WIZ: variants seen among roughly 807,000 people sequenced by gnomAD.
The protein encoded by WIZ is protein Wiz.
Under a neutral mutation model 140.2 loss-of-function variants are expected in WIZ, and 25 were observed. That is an observed-to-expected ratio of 0.18 (90% CI 0.13 to 0.25). WIZ has a LOEUF of 0.25. WIZ is among the 10% of genes least tolerant of loss of function. The pLI is 1.00. For missense variants in WIZ, 2,231 were observed against 2,632.6 expected (o/e 0.85, Z 3.34); for synonymous variants, 1,125 against 1,154.3 (o/e 0.97, Z 0.51).
intron 2 of WIZ, among the ~76,000 whole-genome samples, chr19:15,446,302 C>A (rs554180082): frequency 6.6e-6 from 1 of 152,160 alleles, no homozygotes; most frequent in Non-Finnish European, 1.5e-5. Context: ...GATGTCCAAT[C>A]CCTCGGAACC....
In WIZ at chr19:15,428,098, G is replaced by T. The variant is rs1351252078; in HGVS notation, c.3814+12C>A. On this transcript the variant is annotated intron_variant, in intron 8 of 12. Coordinates refer to ENST00000673675, the MANE Select transcript of WIZ (RefSeq NM_001371589.1). This position sits in a 1 kb window ranked among gnomAD's most constrained non-coding sequence, Gnocchi z 6.4. ...CCGCAGTGAGGAGGGGGCAGCTGAA[G>T]CGAGAACCTACAGAGGTTGAGAGGA... 6.5e-7 allele frequency: 1 copy of T among 1,533,528 alleles called. No homozygotes were observed. The highest frequency in any genetic ancestry group is 2.0e-5 in the Admixed American group (1 of 50,882). The allele number at this position is 1,533,528 out of a possible 1,614,324, so 95.0% of individuals were successfully genotyped here.
Position 15,422,785 on chromosome 19 carries a change from CCT to C in WIZ, c.*289_*290del, listed in dbSNP as rs751810616. ...GCTAGACGGGGGAGTGCTGTCCTCC[CCT>C]GTGACCAGACCGGCTGCCATCAGAG... On this transcript the variant is annotated 3_prime_UTR_variant, in exon 13 of 13. Coordinates refer to ENST00000673675, the MANE Select transcript of WIZ (RefSeq NM_001371589.1). 29 of 505,116 alleles carry C rather than the reference CCT, an allele frequency of 5.7e-5. No individual in the cohort carries two copies. The highest frequency in any genetic ancestry group is 8.8e-5 in the Non-Finnish European group (25 of 282,630). The allele number at this position is 505,116 out of a possible 1,614,324, so 31.3% of individuals were successfully genotyped here. A position where few individuals can be genotyped will look rare whatever the true frequency, so the allele number is the denominator to read the frequency against.
rs559731084 is a variant in WIZ at position 15,443,951 on chromosome 19, G to T, written c.206-1203C>A. ...GCCAACTCTCTATTATCCGCCTGTG[G>T]AGCCAATGCCTGGAGCGACCACAGG... On this transcript the variant is annotated intron_variant, in intron 2 of 12. Coordinates refer to ENST00000673675, the MANE Select transcript of WIZ (RefSeq NM_001371589.1). 1.5e-3 allele frequency among the ~76,000 whole-genome samples: 233 copies of T among 152,240 alleles called. 1 individual carries two copies. The highest frequency in any genetic ancestry group is 2.7e-3 in the South Asian group (13 of 4,818).
Position 15,427,285 on chromosome 19 carries a change from C to T in WIZ, c.4063G>A (p.Ala1355Thr), listed in dbSNP as rs1483612136. 22 of 1,613,498 alleles carry T rather than the reference C, an allele frequency of 1.4e-5. No homozygotes were observed. The highest frequency in any genetic ancestry group is 1.9e-5 in the Non-Finnish European group (22 of 1,179,938). Residue 1355 changes from alanine to threonine, a missense_variant, in exon 9 of 13, where the codon GCA (alanine) becomes ACA (threonine). Physicochemically the swap from Ala to Thr is moderately conservative, Grantham distance 58. Around this residue, in one of 15 missense-constraint regions of WIZ, gnomAD observed 393 missense variants for 451.7 expected, o/e 0.87. Transcript: ENST00000673675. This position sits in a 1 kb window ranked among gnomAD's most constrained non-coding sequence, Gnocchi z 6.4. ...PKALAKMMGG[A>T]GPGSSLEARS... ...GCTTCCAGTGAGCTGCCAGGACCTG[C>T]GCCGCCCATCATCTTGGCCAGGGCT...
chr19:15,425,812 AGGAGGGAGGAGGAGGGAGGAGGAG>A (rs1968737534), intron 9 of WIZ, 44 bp from the exon 10 acceptor site: 1 of 34,812 alleles, frequency 2.9e-5, no homozygotes, highest in Non-Finnish European at 4.8e-5. Context: ...GAGGAGGAGG[AGGAGGGAGGAGGAGGGAGGAGGAG>A]GGAGGAGGAG....
Position 15,427,601 on chromosome 19 carries a change from C to A in WIZ, c.3815-68G>T. ...CCAGCATGGTCACCTGCAGGAGTGTCCTGGTCGGCTGGGCGTGGGCGGCAG... is the reference window on the plus strand; with the variant it reads ...CCAGCATGGTCACCTGCAGGAGTGTACTGGTCGGCTGGGCGTGGGCGGCAG... On this transcript the variant is annotated intron_variant, in intron 8 of 12. Coordinates refer to ENST00000673675, the MANE Select transcript of WIZ (RefSeq NM_001371589.1). The surrounding 1 kb of genome is among the most constrained non-coding windows in gnomAD (Gnocchi z 6.4). 6.6e-7 allele frequency: 1 copy of A among 1,518,124 alleles called. No homozygotes were observed. Among genetic ancestry groups the A allele is most frequent in the Non-Finnish European group, 8.8e-7 (1 of 1,132,680 alleles). 94.0% of individuals were successfully genotyped at this position (1,518,124 alleles called of 1,614,324 possible). A position where few individuals can be genotyped will look rare whatever the true frequency, so the allele number is the denominator to read the frequency against.
intron 5 of WIZ, among the ~76,000 whole-genome samples, chr19:15,434,957 G>A (rs73926753): frequency 3.2e-4 from 48 of 152,296 alleles, no homozygotes; most frequent in Middle Eastern, 3.4e-3. Flanking sequence ...TGGCCGGTGC[G>A]GTGGCTCACA....
At chr19:15,448,442 C>T in intron 1 of WIZ, 75 bp from the exon 2 acceptor site, 1 of 1,153,054 alleles carries the variant, frequency 8.7e-7, no homozygotes, top group Non-Finnish European at 1.2e-6. Flanking sequence ...CCCTCAAAAC[C>T]TCAGTCCTCA....
chr19:15,426,251 G>A (rs1055317050), intron 9 of WIZ, among the ~76,000 whole-genome samples: 2 of 152,114 alleles, frequency 1.3e-5, no homozygotes, highest in African/African-American at 4.8e-5. Context: ...GGGGCACAGA[G>A]CTGGTACACA....
intron 7 of WIZ, among the ~76,000 whole-genome samples, chr19:15,429,133 C>A (rs1233933403): frequency 3.9e-5 from 6 of 152,274 alleles, no homozygotes; most frequent in Admixed American, 3.3e-4. Context: ...GCTGCCTCTG[C>A]GTGGTGGACA....
At position 15,429,814 on chromosome 19, in the gene WIZ, C is replaced by G; in HGVS notation, c.3187G>C (p.Asp1063His). The G allele has an allele frequency of 6.5e-7, 1 of 1,527,120 alleles. No homozygotes were observed. The highest frequency in any genetic ancestry group is 8.8e-7 in the Non-Finnish European group (1 of 1,140,820). 94.6% of individuals were successfully genotyped at this position (1,527,120 alleles called of 1,614,324 possible). The stretch of plus-strand genomic sequence containing the variant: ...ATGGCTTTGTTGACAGCAGGGGCAT[C>G]CAAGGGCTTGGCCAGGCTGAGCAAG... Reference protein sequence around the residue: ...PGLLSLAKPLDAPAVNKAIKS... With the variant: ...PGLLSLAKPLHAPAVNKAIKS... The change falls in exon 7 of 13, where the codon GAT becomes CAT. Residue 1063 changes from aspartate to histidine, a missense_variant. Transcript: ENST00000673675.
intron 5 of WIZ, among the ~76,000 whole-genome samples, chr19:15,434,682 C>A (rs886904355): frequency 6.6e-6 from 1 of 152,068 alleles, no homozygotes; most frequent in Non-Finnish European, 1.5e-5. Context: ...CTCCATTCCT[C>A]AGAGCCCAAC....
At position 15,439,590 on chromosome 19, in the gene WIZ, G is replaced by A. The variant is rs1969652758; in HGVS notation, c.1404C>T (p.Phe468=). Residue 468 remains phenylalanine, a synonymous_variant, in exon 4 of 13, where the codon TTC becomes TTT. Coordinates refer to ENST00000673675, the MANE Select transcript of WIZ (RefSeq NM_001371589.1). The surrounding 1 kb of genome is among the most constrained non-coding windows in gnomAD (Gnocchi z 7.0). ...GAAVGLSACV[F]CGFPAPSESL... ...TCTCGCTGGGCGCGGGGAAACCACA[G>A]AAGACACAGGCGCTGAGGCCAACGG... 1 of 1,485,922 alleles carries A rather than the reference G, an allele frequency of 6.7e-7. No homozygotes were observed. Among genetic ancestry groups the A allele is most frequent in the South Asian group, 1.3e-5 (1 of 78,576 alleles). The allele number at this position is 1,485,922 out of a possible 1,614,324, so 92.0% of individuals were successfully genotyped here.
Position 15,429,707 on chromosome 19 carries a change from C to G in WIZ, c.3294G>C (p.Leu1098=), listed in dbSNP as rs995610307. Residue 1098 remains leucine, a synonymous_variant, in exon 7 of 13, where the codon CTG becomes CTC. Transcript: ENST00000673675. ...GATTCTTAGGGGTAGGGGAGCCCGC[C>G]AGGGCCAGTGGTGTCTTTTTGAGGA... is the stretch of plus-strand genomic sequence containing the variant. ...SPLLKKTPLA[L]AGSPTPKNPE... is the part of the protein sequence containing the mutation. 29 of 1,447,090 alleles carry G rather than the reference C, an allele frequency of 2.0e-5. No individual in the cohort carries two copies. The African/African-American group carries it at 3.3e-4, about 16-fold the overall frequency. 89.6% of individuals were successfully genotyped at this position (1,447,090 alleles called of 1,614,324 possible).
In WIZ at chr19:15,427,801, G is replaced by A. The variant is rs1170975465; in HGVS notation, c.3815-268C>T. On this transcript the variant is annotated intron_variant, in intron 8 of 12. Transcript: ENST00000673675. The surrounding 1 kb of genome is among the most constrained non-coding windows in gnomAD (Gnocchi z 6.4). Reference sequence around the variant, plus strand: ...TCCATTGCTCTGTGGGTCCCAACAAGGACAGGGTGAGGCAGGGAGGCAGCC... The same window carrying A: ...TCCATTGCTCTGTGGGTCCCAACAAAGACAGGGTGAGGCAGGGAGGCAGCC... 2.6e-5 allele frequency among the ~76,000 whole-genome samples: 4 copies of A among 152,286 alleles called. No homozygotes were observed. In the East Asian group the frequency reaches 7.7e-4, roughly 29 times the overall value.
chr19:15,441,824 T>C (rs1398456211), intron 3 of WIZ, among the ~76,000 whole-genome samples: 1 of 152,218 alleles, frequency 6.6e-6, no homozygotes, highest in Non-Finnish European at 1.5e-5. Context: ...GTGTAGCTCA[T>C]AGCAGCTATT....
At position 15,439,858 on chromosome 19, in the gene WIZ, TC is replaced by T; in HGVS notation, c.1135del (p.Glu379ArgfsTer10). Reference sequence around the variant, plus strand: ...CTTTTGGATCTCCTCAATGATCTTCTCCCGGGAGGCCTGATGCAGCTGCCGG... The same window carrying T: ...CTTTTGGATCTCCTCAATGATCTTCTCCGGGAGGCCTGATGCAGCTGCCGG... ...QHRQLHQASR[E>X]KIIEEIQKLK... On this transcript the variant is annotated frameshift_variant, in exon 4 of 13. Transcript: ENST00000673675. LOFTEE classifies it high-confidence loss of function. This position sits in a 1 kb window ranked among gnomAD's most constrained non-coding sequence, Gnocchi z 7.0. 1.3e-6 allele frequency: 2 copies of T among 1,529,040 alleles called. No individual in the cohort carries two copies. The highest frequency in any genetic ancestry group is 8.7e-7 in the Non-Finnish European group (1 of 1,143,216). The allele number at this position is 1,529,040 out of a possible 1,614,324, so 94.7% of individuals were successfully genotyped here.
chr19:15,439,211 C>G lies in WIZ; in HGVS notation c.1783G>C (p.Gly595Arg). The G allele has an allele frequency of 6.5e-7, 1 of 1,535,730 alleles. No homozygotes were observed. The highest frequency in any genetic ancestry group is 1.2e-5 in the South Asian group (1 of 83,962). ...LASTPYSLQL[G>R]RNKSTVHPQG... ...GGGTGGACGGTGCTTTTGTTTCTCC[C>G]GAGCTGTAAGGAGTAGGGGGTGGAT... The change falls in exon 4 of 13, where the codon GGG (glycine) becomes CGG (arginine). Residue 595 changes from glycine (G) to arginine (R), a missense_variant. Around this residue, in one of 15 missense-constraint regions of WIZ, gnomAD observed 475 missense variants for 520.2 expected, o/e 0.91. Transcript: ENST00000673675. The surrounding 1 kb of genome is among the most constrained non-coding windows in gnomAD (Gnocchi z 7.0).
rs1969792446 is a variant in WIZ at position 15,442,867 on chromosome 19, C to T, written c.206-119G>A. Reference sequence around the variant, plus strand: ...AAGGCCCTGCTGGCTCCCAGTTCCTCTCCCTGAGAGGCCCGTGGCCTCTGT... The same window carrying T: ...AAGGCCCTGCTGGCTCCCAGTTCCTTTCCCTGAGAGGCCCGTGGCCTCTGT... On this transcript the variant is annotated intron_variant, in intron 2 of 12. Coordinates refer to ENST00000673675, the MANE Select transcript of WIZ (RefSeq NM_001371589.1). This position sits in a 1 kb window ranked among gnomAD's most constrained non-coding sequence, Gnocchi z 5.5. 3.8e-6 allele frequency: 2 copies of T among 525,428 alleles called. No homozygotes were observed. Among genetic ancestry groups the T allele is most frequent in the Non-Finnish European group, 5.8e-6 (2 of 342,566 alleles). 32.5% of individuals were successfully genotyped at this position (525,428 alleles called of 1,614,324 possible). A position where few individuals can be genotyped will look rare whatever the true frequency, so the allele number is the denominator to read the frequency against.
Sources: gnomAD v4.1 joint callset for allele counts (sites outside exome capture counted in the v4.1 genomes callset) on GRCh38, gnomAD v4.1.1 for gene constraint, gnomAD v4.1.1 regional missense constraint, Gnocchi (gnomAD v3.1) non-coding constraint, MANE v1.5 for transcripts, NCBI Gene and HGNC (gene_info 2026-07-23, HGNC 2026-07-21) for gene names.